The following APBA2 variants were observed in gnomAD, a reference collection of about 807,000 sequenced individuals.
The protein encoded by APBA2 is amyloid beta precursor protein binding family A member 2.
In APBA2, 30 loss-of-function variants were observed where a neutral mutation model predicts 75.0. The ratio of observed to expected loss-of-function variants is 0.40; its 90% confidence interval spans 0.30 to 0.54. APBA2 has a LOEUF of 0.54. Among genes scored for constraint, APBA2 ranks in the 20% least tolerant of loss-of-function variants. The probability of loss-of-function intolerance (pLI) is 0.49; values close to 1 mark genes in which losing one functional copy is unlikely to be tolerated. For synonymous variants in APBA2, 444 were observed against 409.6 expected (o/e 1.08, Z -1.01); for missense variants, 801 against 1,016.1 (o/e 0.79, Z 2.88).
intron 2 of APBA2, among the ~76,000 whole-genome samples, chr15:28,937,342 C>T (rs184656252): frequency 6.0e-4 from 92 of 152,284 alleles, no homozygotes; most frequent in African/African-American, 2.1e-3. Flanking sequence ...GGGTCACATT[C>T]AGGTGTGCCA....
chr15:29,088,545 C>T (rs1452843487), intron 6 of APBA2, among the ~76,000 whole-genome samples: 2 of 152,144 alleles, frequency 1.3e-5, no homozygotes, highest in Non-Finnish European at 2.9e-5. Flanking sequence ...CCTTTCCGTC[C>T]TGTTGATGGA....
At chr15:29,057,755 A>T (rs1002947244) in intron 4 of APBA2, among the ~76,000 whole-genome samples, 5 of 152,206 alleles carry the variant, frequency 3.3e-5, no homozygotes, top group African/African-American at 9.7e-5. Flanking sequence ...GAGCATGCAG[A>T]TTGTGAGTGG....
chr15:29,047,352 G>A (rs376237243), intron 3 of APBA2, among the ~76,000 whole-genome samples: 22 of 152,154 alleles, frequency 1.4e-4, no homozygotes, highest in South Asian at 4.1e-4. Context: ...ATTAGCCAGC[G>A]CTAGCATTGT....
At chr15:28,929,304 G>A (rs531466896) in intron 2 of APBA2, among the ~76,000 whole-genome samples, 6 of 152,282 alleles carry the variant, frequency 3.9e-5, no homozygotes, top group Admixed American at 2.0e-4. Flanking sequence ...TGAATACACC[G>A]AAAGGGATAA....
At chr15:29,032,667 T>C (rs577884536) in intron 3 of APBA2, among the ~76,000 whole-genome samples, 1 of 152,338 alleles carries the variant, frequency 6.6e-6, no homozygotes, top group South Asian at 2.1e-4. Context: ...TCCTGGACCC[T>C]CCATCCCCAA....
In APBA2 at chr15:29,068,560, G is replaced by A. The variant is rs559793134; in HGVS notation, c.952-6361G>A. On this transcript the variant is annotated intron_variant, in intron 4 of 14. Coordinates refer to ENST00000683413, the MANE Select transcript of APBA2 (RefSeq NM_001353788.2). ...GCCCTCTTGTGGGGGAAGGATGGGC[G>A]GAGCTCCCACCTTCCCCACAAATGG... Among the ~76,000 whole-genome samples the A allele has an allele frequency of 3.4e-4, 52 of 152,336 alleles. No individual in the cohort carries two copies. The East Asian group carries it at 8.3e-3, about 24-fold the overall frequency.
intron 2 of APBA2, among the ~76,000 whole-genome samples, chr15:28,962,763 C>T (rs1451118138): frequency 6.6e-6 from 1 of 152,102 alleles, no homozygotes; most frequent in Non-Finnish European, 1.5e-5. Context: ...CATTGCTCTT[C>T]CACTAGCTTT....
chr15:29,079,625 G>A (rs1453050673), intron 6 of APBA2, among the ~76,000 whole-genome samples: 3 of 152,072 alleles, frequency 2.0e-5, no homozygotes, highest in African/African-American at 4.8e-5. Context: ...CCCACTGCGG[G>A]CCCTTCCAGC....
intron 2 of APBA2, among the ~76,000 whole-genome samples, chr15:28,927,964 A>T (rs1012240080): frequency 6.6e-6 from 1 of 151,106 alleles, no homozygotes; most frequent in Non-Finnish European, 1.5e-5. Context: ...ACCAACATGG[A>T]GAAACCCCTG....
Position 28,994,482 on chromosome 15 carries a change from G to A in APBA2, c.-94-1271G>A, listed in dbSNP as rs116993806. On this transcript the variant is annotated intron_variant, in intron 2 of 14. Transcript: ENST00000683413. ...TAGCCTGGGAAAGAAATGGAACAAC[G>A]GTGCAAACAGCCAGTTTCCCCTGAG... Among the ~76,000 whole-genome samples, 93 of 152,268 alleles carry A rather than the reference G, an allele frequency of 6.1e-4. No individual in the cohort carries two copies. The East Asian group carries it at 0.015, about 24-fold the overall frequency.
At position 29,046,587 on chromosome 15, in the gene APBA2, C is replaced by G. The variant is rs971227673; in HGVS notation, c.-40-7258C>G. 2.0e-5 allele frequency among the ~76,000 whole-genome samples: 3 copies of G among 152,242 alleles called. No individual in the cohort carries two copies. Among genetic ancestry groups the G allele is most frequent in the East Asian group, 1.9e-4 (1 of 5,198 alleles). The stretch of plus-strand genomic sequence containing the variant: ...AAGCATCTACTTAGGGCAGAGTTTT[C>G]AAGTGCAGTCTTTGGACCTCCAACA... On this transcript the variant is annotated intron_variant, in intron 3 of 14. Transcript: ENST00000683413. This position sits in a 1 kb window ranked among gnomAD's most constrained non-coding sequence, Gnocchi z 5.0.
At chr15:29,075,229 G>C (rs2042797949) in intron 5 of APBA2, among the ~76,000 whole-genome samples, 1 of 152,188 alleles carries the variant, frequency 6.6e-6, no homozygotes, top group East Asian at 1.9e-4. Flanking sequence ...TTAGGACCAT[G>C]CCATGGAGTG....
chr15:28,917,099 G>A (rs2033718851), intron 1 of APBA2, among the ~76,000 whole-genome samples: 1 of 152,168 alleles, frequency 6.6e-6, no homozygotes, highest in Non-Finnish European at 1.5e-5. Context: ...GGGAAATGTG[G>A]CAGCCTGGGA....
chr15:28,993,593 G>C (rs1257927212), intron 2 of APBA2, among the ~76,000 whole-genome samples: 1 of 152,056 alleles, frequency 6.6e-6, no homozygotes, highest in Admixed American at 6.5e-5. Flanking sequence ...TGAAGACATG[G>C]GCCTGCTTCC....
At chr15:29,000,210 A>G (rs769657865) in intron 3 of APBA2, among the ~76,000 whole-genome samples, 2 of 152,186 alleles carry the variant, frequency 1.3e-5, no homozygotes, top group Admixed American at 6.5e-5. Context: ...AAAATTAACC[A>G]TCACAAGTGG....
chr15:29,018,912 TG>T (rs1484581698), intron 3 of APBA2, among the ~76,000 whole-genome samples: 1 of 152,154 alleles, frequency 6.6e-6, no homozygotes, highest in Non-Finnish European at 1.5e-5. Flanking sequence ...CTTCTTTAAC[TG>T]GGACATGAGG....
intron 8 of APBA2, 78 bp downstream of exon 8, chr15:29,094,391 G>A: frequency 7.4e-7 from 1 of 1,350,538 alleles, no homozygotes; most frequent in Non-Finnish European, 1.1e-6. Context: ...TGGGGGCTGG[G>A]GGGTTCCCCT....
At chr15:29,083,972 C>T (rs1474214978) in intron 6 of APBA2, among the ~76,000 whole-genome samples, 6 of 152,270 alleles carry the variant, frequency 3.9e-5, no homozygotes, top group Non-Finnish European at 7.4e-5. Flanking sequence ...TTATCTTCAT[C>T]GGTAAAGTTT....
intron 6 of APBA2, among the ~76,000 whole-genome samples, chr15:29,083,632 G>T (rs1338710244): frequency 2.6e-5 from 4 of 152,260 alleles, no homozygotes; most frequent in African/African-American, 7.2e-5. Flanking sequence ...CTGGGTTCAA[G>T]CGATTCTCCT....
Sources: gnomAD v4.1 joint callset for allele counts (sites outside exome capture counted in the v4.1 genomes callset) on GRCh38, gnomAD v4.1.1 for gene constraint, Gnocchi (gnomAD v3.1) non-coding constraint, MANE v1.5 for transcripts, NCBI Gene and HGNC (gene_info 2026-07-23, HGNC 2026-07-21) for gene names.